Variants in SLC51A observed in about 807,000 individuals in gnomAD.
SLC51A encodes organic solute transporter subunit alpha.
In SLC51A, 22 loss-of-function variants were observed where a neutral mutation model predicts 34.8. The observed-to-expected ratio is 0.63, with a 90% CI of 0.45 to 0.90. SLC51A has a LOEUF of 0.90. SLC51A is among the 40% of genes least tolerant of loss of function. The pLI is 0.00. For missense variants in SLC51A, 371 were observed against 414.8 expected (o/e 0.89, Z 0.92); for synonymous variants, 181 against 176.3 (o/e 1.03, Z -0.21).
chr3:196,228,088 G>A lies in SLC51A; in HGVS notation c.363-27G>A, dbSNP rs763902624. On this transcript the variant is annotated intron_variant, in intron 4 of 8. Coordinates refer to ENST00000296327, the MANE Select transcript of SLC51A (RefSeq NM_152672.6). This position sits in a 1 kb window ranked among gnomAD's most constrained non-coding sequence, Gnocchi z 4.9. ...GTCTTTCTCTCTGGCAGCAGACCTC[G>A]TAGGCCCTCTTCTCTCCCCACCCCA... 16 of 1,602,734 alleles carry A rather than the reference G, an allele frequency of 1.0e-5. No homozygotes were observed. Among genetic ancestry groups the A allele is most frequent in the South Asian group, 2.2e-5 (2 of 89,230 alleles).
chr3:196,220,610 A>C (rs953668035), intron 2 of SLC51A, among the ~76,000 whole-genome samples: 1 of 152,156 alleles, frequency 6.6e-6, no homozygotes, highest in African/African-American at 2.4e-5. Flanking sequence ...AACAGCAAAA[A>C]ATAGGCAGGG....
In SLC51A at chr3:196,225,121, G is replaced by A. The variant is rs188726675; in HGVS notation, c.134-1844G>A. 3.4e-3 allele frequency among the ~76,000 whole-genome samples: 517 copies of A among 151,430 alleles called. 2 individuals are homozygous for A. The highest frequency in any genetic ancestry group is 6.6e-3 in the Admixed American group (101 of 15,192). ...CCGGAGTAGCTGGGACCACAGGCAG[G>A]CGCCACCACACCCGGCTAATTTCTG... is the stretch of plus-strand genomic sequence containing the variant. On this transcript the variant is annotated intron_variant, in intron 2 of 8. Coordinates refer to ENST00000296327, the MANE Select transcript of SLC51A (RefSeq NM_152672.6).
chr3:196,220,723 A>G (rs1487758176), intron 2 of SLC51A, among the ~76,000 whole-genome samples: 4 of 152,262 alleles, frequency 2.6e-5, no homozygotes, highest in African/African-American at 9.6e-5. Context: ...CAGGCAGTTC[A>G]AAGAAAGAGC....
At chr3:196,224,659 A>G (rs1723849282) in intron 2 of SLC51A, among the ~76,000 whole-genome samples, 1 of 137,696 alleles carries the variant, frequency 7.3e-6, no homozygotes. Flanking sequence ...CTGTGCGACA[A>G]GAGTGAAACT....
Position 196,227,632 on chromosome 3 carries a change from C to CGCCCTCACCTGCTCCT in SLC51A, c.289-27_289-12dup, listed in dbSNP as rs765624126. 4 of 1,607,058 alleles carry CGCCCTCACCTGCTCCT rather than the reference C, an allele frequency of 2.5e-6. No homozygotes were observed. In the South Asian group the frequency reaches 3.3e-5, roughly 13 times the overall value. On this transcript the variant is annotated intron_variant, in intron 3 of 8. Coordinates refer to ENST00000296327, the MANE Select transcript of SLC51A (RefSeq NM_152672.6). ...TTCCGGAGCCTCAGGGTCTCCCTCC[C>CGCCCTCACCTGCTCCT]GCCCTCACCTGCTCCTGCCCCTTCT...
chr3:196,224,296 AG>A (rs1723839415), intron 2 of SLC51A, among the ~76,000 whole-genome samples: 1 of 151,842 alleles, frequency 6.6e-6, no homozygotes, highest in African/African-American at 2.4e-5. Flanking sequence ...TTCTAAAAAA[AG>A]GTTTATTTTT....
rs1723951744 is a variant in SLC51A, at chr3:196,228,502, C to CCA, written c.521+234_521+235dup. The CCA allele has an allele frequency of 7.9e-6, 5 of 629,872 alleles. No individual in the cohort carries two copies. The South Asian group carries it at 1.0e-4, about 13-fold the overall frequency. The allele number at this position is 629,872 out of a possible 1,614,324, so 39.0% of individuals were successfully genotyped here. ...CTTCACTGCACCCTGCAAGCCTTAG[C>CCA]CACACAGAGAAAACTGGACTTGGGG... On this transcript the variant is annotated intron_variant, in intron 5 of 8. Coordinates refer to ENST00000296327, the MANE Select transcript of SLC51A (RefSeq NM_152672.6). This position sits in a 1 kb window ranked among gnomAD's most constrained non-coding sequence, Gnocchi z 4.9.
Position 196,229,708 on chromosome 3 carries a change from G to T in SLC51A, c.634-207G>T, listed in dbSNP as rs375143895. ...TATTATTAAAAAAAAAAAAAAGTTA[G>T]CTGGGAATGGTGGTGTGCACCTGTA... On this transcript the variant is annotated intron_variant, in intron 6 of 8. Coordinates refer to ENST00000296327, the MANE Select transcript of SLC51A (RefSeq NM_152672.6). 1.7e-3 allele frequency: 509 copies of T among 301,112 alleles called. 1 individual carries two copies. The highest frequency in any genetic ancestry group is 0.014 in the African/African-American group (479 of 35,226). The allele number at this position is 301,112 out of a possible 1,614,324, so 18.7% of individuals were successfully genotyped here. A position where few individuals can be genotyped will look rare whatever the true frequency, so the allele number is the denominator to read the frequency against.
At chr3:196,232,330 G>A (rs779006844) in intron 7 of SLC51A, 89 bp from the exon 8 acceptor site, 6 of 962,922 alleles carry the variant, frequency 6.2e-6, no homozygotes, top group South Asian at 2.8e-5. Context: ...CCTGCCCAGC[G>A]GAAGGGCAAG....
intron 2 of SLC51A, among the ~76,000 whole-genome samples, chr3:196,223,197 T>C: frequency 6.6e-6 from 1 of 151,838 alleles, no homozygotes; most frequent in Non-Finnish European, 1.5e-5. Flanking sequence ...TGTGCTTCCT[T>C]CTCTGAGCCT....
intron 6 of SLC51A, among the ~76,000 whole-genome samples, chr3:196,229,687 A>AT (rs1383930506): frequency 6.8e-6 from 1 of 147,066 alleles, no homozygotes; most frequent in Admixed American, 6.8e-5. Flanking sequence ...CATCTCTATT[A>AT]TTAAAAAAAA....
At chr3:196,227,279 C>G (rs1053702134) in intron 3 of SLC51A, 160 bp downstream of exon 3, 1 of 705,154 alleles carries the variant, frequency 1.4e-6, no homozygotes, top group African/African-American at 1.8e-5. Context: ...CAGTTAGGAT[C>G]CTCTGCTTGG....
Position 196,228,228 on chromosome 3 carries a change from C to A in SLC51A, c.476C>A (p.Pro159His), listed in dbSNP as rs1560154521. 1.9e-6 allele frequency: 3 copies of A among 1,613,054 alleles called. No individual in the cohort carries two copies. The East Asian group carries it at 6.7e-5, about 36-fold the overall frequency. Residue 159 changes from proline to histidine, a missense_variant, in exon 5 of 9, where the codon CCC becomes CAC. By Grantham distance (77) the Pro-to-His change is moderately conservative (BLOSUM62 -2). Coordinates refer to ENST00000296327, the MANE Select transcript of SLC51A (RefSeq NM_152672.6). The surrounding 1 kb of genome is among the most constrained non-coding windows in gnomAD (Gnocchi z 4.9). Reference sequence around the variant, plus strand: ...ACCCCGATGATGGTCCACACAGGCCCCTGCTGCTGCTGCTGCCCCTGCTGT... The same window carrying A: ...ACCCCGATGATGGTCCACACAGGCCACTGCTGCTGCTGCTGCCCCTGCTGT... ...RDTPMMVHTG[P>H]CCCCCPCCPR...
chr3:196,224,698 G>T (rs1162746725), intron 2 of SLC51A, among the ~76,000 whole-genome samples: 3 of 44,906 alleles, frequency 6.7e-5, no homozygotes, highest in African/African-American at 2.7e-4. Context: ...GGGGCGGGGC[G>T]GGGGGGGGAG....
chr3:196,218,843 A>C (rs1362834822), intron 2 of SLC51A, among the ~76,000 whole-genome samples: 1 of 139,936 alleles, frequency 7.1e-6, no homozygotes, highest in Non-Finnish European at 1.6e-5. Flanking sequence ...CAAATAAAAC[A>C]GTAATTAAAA....
intron 2 of SLC51A, among the ~76,000 whole-genome samples, chr3:196,219,900 G>T (rs371959864): frequency 2.0e-5 from 3 of 152,390 alleles, no homozygotes; most frequent in East Asian, 3.9e-4. Flanking sequence ...TTCTCACATT[G>T]CTTTGCTTCA....
Position 196,228,266 on chromosome 3 carries a change from C to T in SLC51A, c.514C>T (p.Leu172Phe), listed in dbSNP as rs1218968885. 1 of 1,611,196 alleles carries T rather than the reference C, an allele frequency of 6.2e-7. No individual in the cohort carries two copies. The highest frequency in any genetic ancestry group is 8.5e-7 in the Non-Finnish European group (1 of 1,179,418). The change falls in exon 5 of 9, where the codon CTC (leucine) becomes TTC (phenylalanine). Residue 172 changes from leucine (L) to phenylalanine (F), a missense_variant. Transcript: ENST00000296327. This position sits in a 1 kb window ranked among gnomAD's most constrained non-coding sequence, Gnocchi z 4.9. ...CTGCCCCTGCTGTCCACGGCTGCTG[C>T]TCACCAGGTGAGGCGGGGCCAAGGT... ...CCCPCCPRLLLTRKKLQLLML... is the reference protein window; with the variant it reads ...CCCPCCPRLLFTRKKLQLLML...
intron 2 of SLC51A, among the ~76,000 whole-genome samples, chr3:196,225,333 C>A (rs1434982217): frequency 6.6e-6 from 1 of 152,126 alleles, no homozygotes; most frequent in Non-Finnish European, 1.5e-5. Flanking sequence ...TGTGGTGCCA[C>A]CAGGTGCGAC....
At chr3:196,218,144 G>A (rs914064074) in intron 2 of SLC51A, among the ~76,000 whole-genome samples, 4 of 152,208 alleles carry the variant, frequency 2.6e-5, no homozygotes, top group Non-Finnish European at 2.9e-5. Flanking sequence ...GCCTGGCTCC[G>A]GAGAGCAACC....
Sources: allele counts gnomAD v4.1 joint callset (sites outside exome capture counted in the v4.1 genomes callset), GRCh38; gene constraint gnomAD v4.1.1; non-coding constraint Gnocchi (gnomAD v3.1); transcripts MANE v1.5; gene names NCBI Gene and HGNC (gene_info 2026-07-23, HGNC 2026-07-21).